PCDH11X: variants seen among roughly 807,000 people sequenced by gnomAD.
The protein encoded by PCDH11X is protocadherin-11 X-linked.
Under a neutral mutation model 53.3 loss-of-function variants are expected in PCDH11X, and 18 were observed. The observed-to-expected ratio is 0.34, with a 90% CI of 0.23 to 0.50. PCDH11X has a LOEUF of 0.50. PCDH11X is among the 20% of genes least tolerant of loss of function. The probability of loss-of-function intolerance (pLI) is 0.98; values close to 1 mark genes in which losing one functional copy is unlikely to be tolerated. For missense variants in PCDH11X, 570 were observed against 1,032.4 expected, an observed-to-expected ratio of 0.55 and a Z score of 6.14; for synonymous variants, 279 against 393.3, an observed-to-expected ratio of 0.71 and a Z score of 3.44.
At chrX:91,957,219 G>A (rs763489012) in intron 6 of PCDH11X, among the ~76,000 whole-genome samples, 10 of 109,826 alleles carry the variant, frequency 9.1e-5, no homozygotes, top group Non-Finnish European at 1.5e-4. Flanking sequence ...TTAGCTCAAT[G>A]TGGTTTGTTA....
chrX:91,981,047 ATATATACACTGAATATATT>A (rs1402907746), intron 6 of PCDH11X, among the ~76,000 whole-genome samples: 14 of 103,040 alleles, frequency 1.4e-4, no homozygotes, highest in African/African-American at 3.8e-4. Flanking sequence ...CACTGAATAT[ATATATACACTGAATATATT>A]TATATACACT....
At chrX:91,971,936 G>GT (rs771529174) in intron 6 of PCDH11X, among the ~76,000 whole-genome samples, 49 of 111,483 alleles carry the variant, frequency 4.4e-4, no homozygotes, top group African/African-American at 1.6e-3. Context: ...TTGGGGAGAT[G>GT]TTTGTCAAAG....
intron 6 of PCDH11X, among the ~76,000 whole-genome samples, chrX:92,004,345 G>A (rs1325752362): frequency 1.8e-5 from 2 of 111,059 alleles, no homozygotes; most frequent in Non-Finnish European, 3.8e-5. Context: ...GGAAAAGAAT[G>A]TATATTATAT....
rs2061646709 is a variant in PCDH11X at position 91,952,059 on chromosome X, C to T, written c.3033+72786C>T. ...AGAAAGAAAACTCCCCTAAGTATCC[C>T]GAAAACATCCTCTACCTCTCTGCCA... On this transcript the variant is annotated intron_variant, in intron 6 of 10. Coordinates refer to ENST00000682573, the MANE Select transcript of PCDH11X (RefSeq NM_032968.5). Among the ~76,000 whole-genome samples the T allele has an allele frequency of 4.5e-5, 5 of 110,377 alleles. No individual in the cohort carries two copies. The Admixed American group carries it at 4.9e-4, about 11-fold the overall frequency.
At chrX:91,884,823 A>G (rs1940124743) in intron 6 of PCDH11X, among the ~76,000 whole-genome samples, 1 of 108,641 alleles carries the variant, frequency 9.2e-6, no homozygotes, top group Non-Finnish European at 1.9e-5. Context: ...TCAAATGTTA[A>G]TTATGTATCA....
rs1282061218 is a variant in PCDH11X, at chrX:92,559,473, CT to C, written c.3368-58790del. ...CACACACACACACACACACACACCA[CT>C]GTCATAAGAACCAAAATTTAAGTGA... is the stretch of plus-strand genomic sequence containing the variant. On this transcript the variant is annotated intron_variant, in intron 10 of 10. Coordinates refer to ENST00000682573, the MANE Select transcript of PCDH11X (RefSeq NM_032968.5). 2.8e-5 allele frequency among the ~76,000 whole-genome samples: 3 copies of C among 108,561 alleles called. No individual in the cohort carries two copies. In the East Asian group the frequency reaches 8.6e-4, roughly 31 times the overall value. 94.3% of individuals were successfully genotyped at this position (108,561 alleles called of 115,157 possible).
chrX:92,221,075 G>T (rs1336127295), intron 7 of PCDH11X, among the ~76,000 whole-genome samples: 7 of 88,486 alleles, frequency 7.9e-5, no homozygotes, highest in Non-Finnish European at 1.3e-4. Flanking sequence ...GGGAGGGATA[G>T]CATTAGGAGA....
At chrX:92,205,737 A>G (rs2148328714) in intron 7 of PCDH11X, among the ~76,000 whole-genome samples, 1 of 108,825 alleles carries the variant, frequency 9.2e-6, no homozygotes, top group South Asian at 4.1e-4. Context: ...AGTAGCTGGG[A>G]TTACAGGTGC....
At chrX:92,235,627 G>T (rs2067156073) in intron 7 of PCDH11X, among the ~76,000 whole-genome samples, 3 of 111,154 alleles carry the variant, frequency 2.7e-5, no homozygotes, top group South Asian at 7.5e-4. Flanking sequence ...AGCAAACAGA[G>T]TAAGACTTCA....
intron 10 of PCDH11X, among the ~76,000 whole-genome samples, chrX:92,536,172 G>C (rs2074654252): frequency 9.0e-6 from 1 of 110,564 alleles, no homozygotes; most frequent in East Asian, 2.9e-4. Context: ...TCTTTCTTCA[G>C]TTTGGTCTGT....
intron 10 of PCDH11X, among the ~76,000 whole-genome samples, chrX:92,511,240 A>T (rs1022302900): frequency 2.7e-5 from 3 of 111,741 alleles, no homozygotes; most frequent in African/African-American, 9.8e-5. Flanking sequence ...TAGAATTCTC[A>T]GTAAATTGTA....
intron 6 of PCDH11X, among the ~76,000 whole-genome samples, chrX:91,882,323 A>G (rs1939950042): frequency 9.1e-6 from 1 of 109,942 alleles, no homozygotes; most frequent in Non-Finnish European, 1.9e-5. Flanking sequence ...GCAGATAGCA[A>G]TTGGTTGTTA....
chrX:92,340,851 C>A (rs2069740518), intron 8 of PCDH11X, among the ~76,000 whole-genome samples: 1 of 112,106 alleles, frequency 8.9e-6, no homozygotes, highest in South Asian at 3.7e-4. Flanking sequence ...GTTGCTCCAC[C>A]ACCTGCTTGA....
At chrX:92,267,610 G>A (rs1463650499) in intron 8 of PCDH11X, among the ~76,000 whole-genome samples, 3 of 112,182 alleles carry the variant, frequency 2.7e-5, no homozygotes, top group Non-Finnish European at 3.8e-5. Flanking sequence ...TTGCTGTTTT[G>A]TACAACAGTG....
chrX:92,542,506 C>A (rs1275879885), intron 10 of PCDH11X, among the ~76,000 whole-genome samples: 2 of 110,178 alleles, frequency 1.8e-5, no homozygotes, highest in African/African-American at 6.6e-5. Context: ...ATAATAAAAC[C>A]ACATTTTTAT....
At chrX:91,824,660 C>T (rs1044086654) in intron 4 of PCDH11X, among the ~76,000 whole-genome samples, 4 of 102,280 alleles carry the variant, frequency 3.9e-5, no homozygotes, top group African/African-American at 1.8e-4. Context: ...CGTCTGAAGC[C>T]ATCTTCTCTC....
intron 6 of PCDH11X, among the ~76,000 whole-genome samples, chrX:92,129,420 C>T (rs1425951397): frequency 1.8e-5 from 2 of 111,773 alleles, no homozygotes; most frequent in Non-Finnish European, 3.8e-5. Context: ...GAGTCTCTTC[C>T]TTCTACCCAT....
intron 7 of PCDH11X, among the ~76,000 whole-genome samples, chrX:92,253,443 A>C (rs1301792673): frequency 9.5e-6 from 1 of 105,176 alleles, no homozygotes; most frequent in Non-Finnish European, 1.9e-5. Flanking sequence ...GTTCCATATA[A>C]ATTTTAGAAT....
At chrX:92,507,306 G>T (rs771073976) in intron 10 of PCDH11X, among the ~76,000 whole-genome samples, 1 of 110,639 alleles carries the variant, frequency 9.0e-6, no homozygotes, top group South Asian at 3.9e-4. Flanking sequence ...TTCTCTAGGC[G>T]TGATATTATG....
Sources: allele counts gnomAD v4.1 joint callset (sites outside exome capture counted in the v4.1 genomes callset), GRCh38; gene constraint gnomAD v4.1.1; transcripts MANE v1.5; gene names NCBI Gene and HGNC (gene_info 2026-07-23, HGNC 2026-07-21).